Variants in MYH10 observed in about 807,000 individuals in gnomAD.
MYH10 encodes the protein myosin-10.
Under a neutral mutation model 257.8 loss-of-function variants are expected in MYH10, and 55 were observed. That is an observed-to-expected ratio of 0.21 (90% CI 0.17 to 0.27). The LOEUF is 0.27. Ranked by LOEUF, MYH10 falls within the 10% of genes least tolerant of loss-of-function variation. MYH10 has a pLI of 1.00. For synonymous variants in MYH10, 854 were observed against 921.7 expected (o/e 0.93, Z 1.33); for missense variants, 1,631 against 2,500.6 (o/e 0.65, Z 7.42).
chr17:8,576,195 C>G (rs1342750197), intron 6 of MYH10, among the ~76,000 whole-genome samples: 2 of 152,142 alleles, frequency 1.3e-5, no homozygotes, highest in Admixed American at 6.5e-5. Context: ...AAAACACATA[C>G]AGGCATAAAC....
intron 2 of MYH10, among the ~76,000 whole-genome samples, chr17:8,617,989 C>T (rs1224635281): frequency 6.6e-6 from 1 of 152,014 alleles, no homozygotes; most frequent in East Asian, 1.9e-4. Flanking sequence ...TTTTCCAAAA[C>T]AAAAGTGAGA....
At chr17:8,517,014 G>A (rs1349025639) in intron 21 of MYH10, among the ~76,000 whole-genome samples, 5 of 152,082 alleles carry the variant, frequency 3.3e-5, no homozygotes, top group South Asian at 4.2e-4. Flanking sequence ...GGTGGCGGGC[G>A]CCTGTAGTCC....
intron 1 of MYH10, among the ~76,000 whole-genome samples, chr17:8,627,262 T>C (rs1361235847): frequency 2.6e-5 from 4 of 152,312 alleles, no homozygotes; most frequent in East Asian, 1.9e-4. Flanking sequence ...TGTTCCACGC[T>C]GTATCTTGAG....
rs2081549405 is a variant in MYH10 at position 8,518,530 on chromosome 17, AGACT to A, written c.2504+97_2504+100del. 7 of 1,271,812 alleles carry A rather than the reference AGACT, an allele frequency of 5.5e-6. No individual in the cohort carries two copies. In the Admixed American group the frequency reaches 1.5e-4, roughly 28 times the overall value. The allele number at this position is 1,271,812 out of a possible 1,614,324, so 78.8% of individuals were successfully genotyped here. The stretch of plus-strand genomic sequence containing the variant: ...ACTATAAAGCAACTTCTGTAAGGAC[AGACT>A]ATGTCTCACACACTCTTGCACCCCA... On this transcript the variant is annotated intron_variant, in intron 21 of 42. Coordinates refer to ENST00000360416, the MANE Select transcript of MYH10 (RefSeq NM_001256012.3).
At chr17:8,496,333 A>T (rs1483515971) in intron 30 of MYH10, among the ~76,000 whole-genome samples, 1 of 152,196 alleles carries the variant, frequency 6.6e-6, no homozygotes, top group Non-Finnish European at 1.5e-5. Flanking sequence ...CACTCTGTTT[A>T]GCAACATCCT....
Position 8,481,437 on chromosome 17 carries a change from C to T in MYH10, c.5176-27G>A, listed in dbSNP as rs755909643. 20 of 1,607,160 alleles carry T rather than the reference C, an allele frequency of 1.2e-5. No individual in the cohort carries two copies. The East Asian group carries it at 4.5e-4, about 36-fold the overall frequency. ...TAAGCAGTGGAGACTGCGTTAAGCTCTGGCTGTGAATAGTTTCCTCACCTG... is the reference window on the plus strand; with the variant it reads ...TAAGCAGTGGAGACTGCGTTAAGCTTTGGCTGTGAATAGTTTCCTCACCTG... On this transcript the variant is annotated intron_variant, in intron 37 of 42. Transcript: ENST00000360416.
chr17:8,505,661 GAA>G (rs2081051444), intron 27 of MYH10, among the ~76,000 whole-genome samples: 1 of 152,154 alleles, frequency 6.6e-6, no homozygotes, highest in East Asian at 1.9e-4. Context: ...TATAATTTTT[GAA>G]AAGTGATTTC....
In MYH10 at chr17:8,492,467, C is replaced by T; in HGVS notation, c.4501G>A (p.Glu1501Lys). The T allele has an allele frequency of 6.2e-7, 1 of 1,612,506 alleles. No homozygotes were observed. The highest frequency in any genetic ancestry group is 8.5e-7 in the Non-Finnish European group (1 of 1,180,022). The change falls in exon 34 of 43, where the codon GAG becomes AAG. Residue 1501 changes from glutamate (E) to lysine (K), a missense_variant. Physicochemically the swap from Glu to Lys is moderately conservative, Grantham distance 56. Transcript: ENST00000360416. ...EKSISARYAE[E>K]RDRAEAEARE... is the part of the protein sequence containing the mutation. ...GCCTCGGCTTCGGCCCGGTCCCGCT[C>T]TTCGGCATAGCGAGCAGAGATGCTC... is the stretch of plus-strand genomic sequence containing the variant.
In MYH10 at chr17:8,560,731, C is replaced by CTT. The variant is rs2082962230; in HGVS notation, c.757-6715_757-6714dup. 4.8e-6 allele frequency: 3 copies of CTT among 626,236 alleles called. No individual in the cohort carries two copies. The African/African-American group carries it at 5.5e-5, about 11-fold the overall frequency. 38.8% of individuals were successfully genotyped at this position (626,236 alleles called of 1,614,324 possible). A position where few individuals can be genotyped will look rare whatever the true frequency, so the allele number is the denominator to read the frequency against. The stretch of plus-strand genomic sequence containing the variant: ...ACCAGGAGAAATTTGATGATGAGAA[C>CTT]TTCATCCTGAAGCACACAGGTCCTG... On this transcript the variant is annotated intron_variant, in intron 7 of 42. Transcript: ENST00000360416.
rs772837495 is a variant in MYH10, at chr17:8,499,294, C to A, written c.3927G>T (p.Leu1309=). 3.1e-6 allele frequency: 5 copies of A among 1,613,914 alleles called. No individual in the cohort carries two copies. The highest frequency in any genetic ancestry group is 1.7e-5 in the Admixed American group (1 of 60,000). The change falls in exon 30 of 43, where the codon CTG becomes CTT. Residue 1309 remains leucine, a synonymous_variant. Transcript: ENST00000360416. ...VSEGDRLRVE[L]AEKASKLQNE... is the part of the protein sequence containing the mutation. ...CCTGCAGCTTACTTGCTTTCTCCGC[C>A]AGCTCCACCCTGAGCCTGTCGCCTT...
rs775050229 is a variant in MYH10, at chr17:8,518,790, A to G, written c.2345T>C (p.Ile782Thr). 1.9e-6 allele frequency: 3 copies of G among 1,609,034 alleles called. No individual in the cohort carries two copies. In the African/African-American group the frequency reaches 4.0e-5, roughly 22 times the overall value. Reference protein sequence around the residue: ...MDGKQACERMIRALELDPNLY... With the variant: ...MDGKQACERMTRALELDPNLY... Reference sequence around the variant, plus strand: ...GTTTGGGTCCAATTCTAAAGCCCGGATCTAAGAGAGAAAGAGTTTATTTAC... The same window carrying G: ...GTTTGGGTCCAATTCTAAAGCCCGGGTCTAAGAGAGAAAGAGTTTATTTAC... The change falls in exon 21 of 43, where the codon ATC becomes ACC. Residue 782 changes from isoleucine (I) to threonine (T), a missense_variant and splice_region_variant. Coordinates refer to ENST00000360416, the MANE Select transcript of MYH10 (RefSeq NM_001256012.3).
chr17:8,501,026 ATTTTCTTTTTG>A (rs1304965206), intron 28 of MYH10, 56 bp from the exon 29 acceptor site: 3 of 1,528,458 alleles, frequency 2.0e-6, no homozygotes, highest in Admixed American at 4.3e-5. Flanking sequence ...TTAAAAACAC[ATTTTCTTTTTG>A]AAAAAGTACT....
intron 2 of MYH10, among the ~76,000 whole-genome samples, chr17:8,611,643 C>A (rs951111587): frequency 1.3e-5 from 2 of 152,064 alleles, no homozygotes; most frequent in Admixed American, 6.5e-5. Flanking sequence ...AAACAGCAAG[C>A]TAGATACAGC....
At chr17:8,594,033 C>T (rs539458444) in intron 3 of MYH10, among the ~76,000 whole-genome samples, 29 of 152,178 alleles carry the variant, frequency 1.9e-4, no homozygotes, top group Admixed American at 1.4e-3. Flanking sequence ...TGATTTTCCA[C>T]AAAGGTACAA....
chr17:8,556,557 A>AAG (rs2082804797), intron 7 of MYH10, among the ~76,000 whole-genome samples: 1 of 152,246 alleles, frequency 6.6e-6, no homozygotes, highest in Admixed American at 6.5e-5. Context: ...TTGACATGCC[A>AAG]GACGTTACTG....
rs11481345 is a variant in MYH10 at position 8,601,977 on chromosome 17, C to CTT, written c.502+2847_502+2848dup. Among the ~76,000 whole-genome samples, 1,124 of 138,778 alleles carry CTT rather than the reference C, an allele frequency of 8.1e-3. 12 individuals are homozygous for CTT. The highest frequency in any genetic ancestry group is 0.01 in the Non-Finnish European group (678 of 65,232). The allele number at this position is 138,778 out of a possible 152,430, so 91.0% of individuals were successfully genotyped here. Reference sequence around the variant, plus strand: ...ATACATTTCATGCAAGAAACAGAATCTTTTTTTTTTTTTTTTGAGACGGAG... The same window carrying CTT: ...ATACATTTCATGCAAGAAACAGAATCTTTTTTTTTTTTTTTTTTGAGACGGAG... On this transcript the variant is annotated intron_variant, in intron 3 of 42. Coordinates refer to ENST00000360416, the MANE Select transcript of MYH10 (RefSeq NM_001256012.3).
chr17:8,606,930 G>A (rs563718855), intron 2 of MYH10, among the ~76,000 whole-genome samples: 1 of 152,262 alleles, frequency 6.6e-6, no homozygotes, highest in South Asian at 2.1e-4. Context: ...GGCCCTTGGG[G>A]TTCCCAGACC....
chr17:8,531,116 G>A (rs1392112556), intron 16 of MYH10, among the ~76,000 whole-genome samples: 1 of 152,108 alleles, frequency 6.6e-6, no homozygotes, highest in Non-Finnish European at 1.5e-5. Flanking sequence ...TTACGCTGCT[G>A]TGTAATTAAT....
intron 3 of MYH10, among the ~76,000 whole-genome samples, chr17:8,592,823 A>G (rs1317595227): frequency 3.0e-4 from 5 of 16,434 alleles, no homozygotes; most frequent in Non-Finnish European, 4.1e-4. Flanking sequence ...TCAGAAAAAA[A>G]AAAAAAAAAA....
Sources: gnomAD v4.1 joint callset for allele counts (sites outside exome capture counted in the v4.1 genomes callset) on GRCh38, gnomAD v4.1.1 for gene constraint, MANE v1.5 for transcripts, NCBI Gene and HGNC (gene_info 2026-07-23, HGNC 2026-07-21) for gene names.